The following TRHDE variants were observed in gnomAD, a reference collection of about 807,000 sequenced individuals.
The protein encoded by TRHDE is thyrotropin releasing hormone degrading enzyme.
In TRHDE, 72 loss-of-function variants were observed where a neutral mutation model predicts 125.7. The ratio of observed to expected loss-of-function variants is 0.57; its 90% CI spans 0.47 to 0.70. The LOEUF (loss-of-function observed/expected upper bound fraction) is 0.70. Among genes scored for constraint, TRHDE ranks in the 30% least tolerant of loss-of-function variants. TRHDE has a pLI of 0.00. For synonymous variants in TRHDE, 509 were observed against 509.1 expected (o/e 1.00, Z 0.00); for missense variants, 1,110 against 1,327.1 (o/e 0.84, Z 2.54).
At chr12:72,643,638 TTGCTG>T (rs1874158676) in intron 15 of TRHDE, among the ~76,000 whole-genome samples, 1 of 152,224 alleles carries the variant, frequency 6.6e-6, no homozygotes, top group Non-Finnish European at 1.5e-5. Context: ...CAACATTTTA[TTGCTG>T]AATGTCCTTT....
At chr12:72,241,095 A>G (rs562287262) in intron 2 of TRHDE, among the ~76,000 whole-genome samples, 1 of 152,144 alleles carries the variant, frequency 6.6e-6, no homozygotes, top group South Asian at 2.1e-4. Flanking sequence ...TGTTTTAATT[A>G]TCCCCAATCC....
At chr12:72,433,496 C>G (rs1194657376) in intron 3 of TRHDE, among the ~76,000 whole-genome samples, 1 of 151,908 alleles carries the variant, frequency 6.6e-6, no homozygotes, top group Non-Finnish European at 1.5e-5. Context: ...GGCTTGCCTC[C>G]CCGAGCATGG....
chr12:72,315,330 G>A (rs907262457), intron 2 of TRHDE, among the ~76,000 whole-genome samples: 8 of 152,050 alleles, frequency 5.3e-5, no homozygotes, highest in Non-Finnish European at 1.2e-4. Context: ...AAACCAAACC[G>A]ATAGGTCTTA....
chr12:72,573,923 G>A (rs1870864981), intron 10 of TRHDE, among the ~76,000 whole-genome samples: 1 of 151,874 alleles, frequency 6.6e-6, no homozygotes, highest in Non-Finnish European at 1.5e-5. Flanking sequence ...TAAAGGTGGT[G>A]GGAAGTTGTG....
intron 3 of TRHDE, among the ~76,000 whole-genome samples, chr12:72,394,595 C>T (rs1372518656): frequency 6.6e-6 from 1 of 152,118 alleles, no homozygotes; most frequent in Non-Finnish European, 1.5e-5. Flanking sequence ...CCCCCTATGC[C>T]CTTAACTTCT....
At chr12:72,299,208 T>C (rs1462296063) in intron 2 of TRHDE, among the ~76,000 whole-genome samples, 2 of 152,280 alleles carry the variant, frequency 1.3e-5, no homozygotes, top group East Asian at 1.9e-4. Flanking sequence ...TCCTGAAGAA[T>C]CAAGTATTAT....
chr12:72,333,354 A>G (rs529748839), intron 2 of TRHDE, among the ~76,000 whole-genome samples: 67 of 152,390 alleles, frequency 4.4e-4, no homozygotes, highest in African/African-American at 1.6e-3. Context: ...ATTTTAGTAG[A>G]TTTGAAGGTT....
intron 2 of TRHDE, among the ~76,000 whole-genome samples, chr12:72,224,208 A>G (rs1324230316): frequency 6.8e-6 from 1 of 147,872 alleles, no homozygotes; most frequent in African/African-American, 2.5e-5. Context: ...CTATCTATCT[A>G]TCTATCATCT....
At position 72,179,442 on chromosome 12, in the gene TRHDE, G is replaced by A. The variant is rs185631485; in HGVS notation, n.279+73690G>A. ...TATAGAATGTATCTGTCGCCTCCAG[G>A]TACCTCATGTTCCAGTCACCCACTA... is the stretch of plus-strand genomic sequence containing the variant. On this transcript the variant is annotated intron_variant and non_coding_transcript_variant, in intron 2 of 4. Transcript: ENST00000548156. Among the ~76,000 whole-genome samples, 367 of 152,166 alleles carry A rather than the reference G, an allele frequency of 2.4e-3. 1 individual carries two copies. The highest frequency in any genetic ancestry group is 7.9e-3 in the Admixed American group (120 of 15,276).
intron 2 of TRHDE, among the ~76,000 whole-genome samples, chr12:72,145,826 C>G (rs893656748): frequency 1.3e-5 from 2 of 152,082 alleles, no homozygotes; most frequent in Non-Finnish European, 2.9e-5. Flanking sequence ...CTCAGCTGTT[C>G]CCCCAGTGCA....
chr12:72,404,452 A>C (rs1873181607), intron 3 of TRHDE, among the ~76,000 whole-genome samples: 2 of 152,130 alleles, frequency 1.3e-5, no homozygotes, highest in Non-Finnish European at 2.9e-5. Flanking sequence ...AAAACAAAAC[A>C]AAACAAAACA....
At position 72,651,131 on chromosome 12, in the gene TRHDE, A is replaced by G. The variant is rs576430620; in HGVS notation, c.2676-1191A>G. Among the ~76,000 whole-genome samples, 3 of 152,294 alleles carry G rather than the reference A, an allele frequency of 2.0e-5. No individual in the cohort carries two copies. In the South Asian group the frequency reaches 6.2e-4, roughly 32 times the overall value. Reference sequence around the variant, plus strand: ...TAATGCCACAAGGAAAAAGGGCTTCAGTTAACAAAATTAAAGTAACGTTTC... The same window carrying G: ...TAATGCCACAAGGAAAAAGGGCTTCGGTTAACAAAATTAAAGTAACGTTTC... On this transcript the variant is annotated intron_variant, in intron 15 of 18. Coordinates refer to ENST00000261180, the MANE Select transcript of TRHDE (RefSeq NM_013381.3).
intron 12 of TRHDE, among the ~76,000 whole-genome samples, chr12:72,584,747 A>AAAT (rs1322974084): frequency 2.6e-5 from 4 of 152,222 alleles, no homozygotes; most frequent in African/African-American, 9.6e-5. Flanking sequence ...TTTTATGGGT[A>AAAT]AATAGTGTTC....
At chr12:72,189,799 G>A (rs1322048448) in intron 2 of TRHDE, among the ~76,000 whole-genome samples, 2 of 152,100 alleles carry the variant, frequency 1.3e-5, no homozygotes, top group Non-Finnish European at 2.9e-5. Flanking sequence ...GGGTGAGAGT[G>A]GGAGTAAGAG....
At chr12:72,567,511 G>A (rs1343368831) in intron 9 of TRHDE, among the ~76,000 whole-genome samples, 1 of 151,714 alleles carries the variant, frequency 6.6e-6, no homozygotes, top group East Asian at 1.9e-4. Flanking sequence ...AATTTCACAC[G>A]ACAGAGTCAT....
In TRHDE at chr12:72,630,793, T is replaced by C. The variant is rs984069915; in HGVS notation, c.2675+9042T>C. Among the ~76,000 whole-genome samples, 8 of 151,222 alleles carry C rather than the reference T, an allele frequency of 5.3e-5. No homozygotes were observed. In the East Asian group the frequency reaches 1.4e-3, roughly 26 times the overall value. On this transcript the variant is annotated intron_variant, in intron 15 of 18. Transcript: ENST00000261180. ...ATAAAATTATAATCATCAGCCATTA[T>C]AATATTATTTTTAACTGTATAGGGA...
intron 2 of TRHDE, among the ~76,000 whole-genome samples, chr12:72,315,755 C>A (rs1018899303): frequency 6.6e-6 from 1 of 152,152 alleles, no homozygotes; most frequent in Non-Finnish European, 1.5e-5. Context: ...CTGCCTGATG[C>A]CCTCTTGTCC....
rs71071820 is a variant in TRHDE, at chr12:72,238,275, AAT to A, written n.279+132569_279+132570del. Among the ~76,000 whole-genome samples, 285 of 38,126 alleles carry A rather than the reference AAT, an allele frequency of 7.5e-3. 4 individuals carry two copies. The highest frequency in any genetic ancestry group is 0.01 in the East Asian group (12 of 1,154). 25.0% of individuals were successfully genotyped at this position (38,126 alleles called of 152,430 possible). Reference sequence around the variant, plus strand: ...AGTGGTCAGAAGTGGTCAGATCCTTAATATATATATATATATATATATATATA... The same window carrying A: ...AGTGGTCAGAAGTGGTCAGATCCTTAATATATATATATATATATATATATA... On this transcript the variant is annotated intron_variant and non_coding_transcript_variant, in intron 2 of 4. Transcript: ENST00000548156.
intron 2 of TRHDE, among the ~76,000 whole-genome samples, chr12:72,180,169 G>A (rs1877067776): frequency 6.6e-6 from 1 of 151,584 alleles, no homozygotes; most frequent in African/African-American, 2.4e-5. Context: ...GTACTAAGTT[G>A]TGCTTTTTTT....
Sources: allele counts gnomAD v4.1 joint callset (sites outside exome capture counted in the v4.1 genomes callset), GRCh38; gene constraint gnomAD v4.1.1; transcripts MANE v1.5; gene names NCBI Gene and HGNC (gene_info 2026-07-23, HGNC 2026-07-21).